ERVK3-1: variants seen among roughly 807,000 people sequenced by gnomAD.
The protein encoded by ERVK3-1 is HERV-K(HML6-1).
intron 2 of ERVK3-1, chr19:58,311,962 CAA>C: frequency 2.6e-6 from 1 of 379,252 alleles, no homozygotes; most frequent in Non-Finnish European, 4.7e-6. Flanking sequence ...CCACTTCAAA[CAA>C]AATTACATTT....
rs2051549676 is a variant in ERVK3-1 at position 58,310,456 on chromosome 19, TAA to T, written c.-3-1708_-3-1707del. 6.3e-6 allele frequency: 1 copy of T among 158,282 alleles called. No individual in the cohort carries two copies. The highest frequency in any genetic ancestry group is 6.5e-5 in the Admixed American group (1 of 15,356). 9.8% of individuals were successfully genotyped at this position (158,282 alleles called of 1,614,324 possible). A position where few individuals can be genotyped will look rare whatever the true frequency, so the allele number is the denominator to read the frequency against. ...TGGATACAAAGCAAAAGGGGCAGGGTAAAGAGTGTGAGTCATCTCCAATGATA... is the reference window on the plus strand; with the variant it reads ...TGGATACAAAGCAAAAGGGGCAGGGTAGAGTGTGAGTCATCTCCAATGATA... On this transcript the variant is annotated intron_variant, in intron 2 of 3. Transcript: ENST00000413518. This position sits in a 1 kb window ranked among gnomAD's most constrained non-coding sequence, Gnocchi z 4.7.
chr19:58,315,991 GCCC>G (rs2051590281), downstream of ERVK3-1, among the ~76,000 whole-genome samples: 1 of 152,170 alleles, frequency 6.6e-6, no homozygotes, highest in African/African-American at 2.4e-5. Flanking sequence ...GACCTCGGGT[GCCC>G]CCTACCCTGT....
rs113347450 is a variant in ERVK3-1, at chr19:58,314,583, C to T, written c.295-165C>T. On this transcript the variant is annotated intron_variant, in intron 3 of 3. Transcript: ENST00000413518. Reference sequence around the variant, plus strand: ...CAGAGCTTGCAGTGAGCCAAGATGGCGCCACTGCACTCCAGCCTGGGTGAC... The same window carrying T: ...CAGAGCTTGCAGTGAGCCAAGATGGTGCCACTGCACTCCAGCCTGGGTGAC... Among the ~76,000 whole-genome samples the T allele has an allele frequency of 4.4e-5, 6 of 137,678 alleles. No individual in the cohort carries two copies. In the South Asian group the frequency reaches 9.5e-4, roughly 22 times the overall value. 90.3% of individuals were successfully genotyped at this position (137,678 alleles called of 152,430 possible). A position where few individuals can be genotyped will look rare whatever the true frequency, so the allele number is the denominator to read the frequency against.
exon 4 of ERVK3-1, chr19:58,315,001 G>A (rs571715615): frequency 2.6e-5 from 10 of 381,940 alleles, no homozygotes; most frequent in Non-Finnish European, 4.6e-5. Flanking sequence ...CCCAGGTCCC[G>A]TGCTCCTTGA....
chr19:58,313,355 C>T lies in ERVK3-1; in HGVS notation c.294+893C>T, dbSNP rs6510136. The stretch of plus-strand genomic sequence containing the variant: ...AGGCTGGAGTGCAGTGGCGCAATCT[C>T]GGGTCACTGCAACCTTTGCCTCCCG... On this transcript the variant is annotated intron_variant, in intron 3 of 3. Transcript: ENST00000413518. This position sits in a 1 kb window ranked among gnomAD's most constrained non-coding sequence, Gnocchi z 4.5. Among the ~76,000 whole-genome samples the T allele has an allele frequency of 0.14, 20,538 of 152,092 alleles. 2,291 individuals are homozygous for T. The highest frequency in any genetic ancestry group is 0.3 in the African/African-American group (12,237 of 41,440).
rs959965293 is a variant in ERVK3-1 at position 58,313,656 on chromosome 19, C to T, written c.295-1092C>T. 6.6e-6 allele frequency among the ~76,000 whole-genome samples: 1 copy of T among 152,184 alleles called. No individual in the cohort carries two copies. The highest frequency in any genetic ancestry group is 2.4e-5 in the African/African-American group (1 of 41,436). ...AAGGACCAACTCCACGTAAACATCA[C>T]CCAGTTGACTTGTGACTCTTGTCAA... On this transcript the variant is annotated intron_variant, in intron 3 of 3. Transcript: ENST00000413518. This position sits in a 1 kb window ranked among gnomAD's most constrained non-coding sequence, Gnocchi z 4.5.
At chr19:58,307,009 GA>G (rs1039948245) in intron 2 of ERVK3-1, among the ~76,000 whole-genome samples, 13 of 152,224 alleles carry the variant, frequency 8.5e-5, no homozygotes, top group African/African-American at 2.9e-4. Context: ...AAATTGGCAA[GA>G]AATGTGTGCA....
downstream of ERVK3-1, among the ~76,000 whole-genome samples, chr19:58,316,528 G>T (rs2051593766): frequency 6.6e-6 from 1 of 152,170 alleles, no homozygotes; most frequent in South Asian, 2.1e-4. Context: ...AAAATTAGCT[G>T]GGCGTGGTGA....
Position 58,312,568 on chromosome 19 carries a change from G to C in ERVK3-1, c.294+106G>C, listed in dbSNP as rs115711577. The C allele has an allele frequency of 0.011, 4,326 of 398,674 alleles. 140 individuals carry two copies. The highest frequency in any genetic ancestry group is 0.073 in the African/African-American group (3,564 of 48,662). 24.7% of individuals were successfully genotyped at this position (398,674 alleles called of 1,614,324 possible). A position where few individuals can be genotyped will look rare whatever the true frequency, so the allele number is the denominator to read the frequency against. ...CGACACTCCTCCTGAGATATATTATGATCAGGGAGCGTGGGCACCAGGACC... is the reference window on the plus strand; with the variant it reads ...CGACACTCCTCCTGAGATATATTATCATCAGGGAGCGTGGGCACCAGGACC... On this transcript the variant is annotated intron_variant, in intron 3 of 3. Coordinates refer to ENST00000413518, the Ensembl canonical transcript of ERVK3-1. This position sits in a 1 kb window ranked among gnomAD's most constrained non-coding sequence, Gnocchi z 4.7.
chr19:58,305,783 T>A (rs2051518423), intron 1 of ERVK3-1, among the ~76,000 whole-genome samples: 1 of 152,174 alleles, frequency 6.6e-6, no homozygotes, highest in African/African-American at 2.4e-5. Flanking sequence ...ACTGACAAAC[T>A]GCGTCTGCCG....
At chr19:58,308,544 C>T (rs751862131) in intron 2 of ERVK3-1, among the ~76,000 whole-genome samples, 4 of 152,098 alleles carry the variant, frequency 2.6e-5, no homozygotes, top group Non-Finnish European at 5.9e-5. Context: ...GGTTGATAAT[C>T]CAGGATTTAA....
chr19:58,314,070 T>C (rs2051574102), intron 3 of ERVK3-1, among the ~76,000 whole-genome samples: 1 of 152,188 alleles, frequency 6.6e-6, no homozygotes, highest in Non-Finnish European at 1.5e-5. Context: ...GTTCTGTGGC[T>C]GGGAAAGCAG....
rs1175431976 is a variant in ERVK3-1, at chr19:58,313,941, GTT to G, written c.295-806_295-805del. ...GTAGTGTCCTCAGTAGCACTACATA[GTT>G]CTATTCAAACAGCCCAATATGTAGA... On this transcript the variant is annotated intron_variant, in intron 3 of 3. Coordinates refer to ENST00000413518, the Ensembl canonical transcript of ERVK3-1. This position sits in a 1 kb window ranked among gnomAD's most constrained non-coding sequence, Gnocchi z 4.5. 6.6e-6 allele frequency among the ~76,000 whole-genome samples: 1 copy of G among 152,142 alleles called. No individual in the cohort carries two copies. The highest frequency in any genetic ancestry group is 1.5e-5 in the Non-Finnish European group (1 of 68,032).
rs539915714 is a variant in ERVK3-1, at chr19:58,310,725, G to A, written c.-3-1441G>A. 21 of 212,546 alleles carry A rather than the reference G, an allele frequency of 9.9e-5. No homozygotes were observed. The highest frequency in any genetic ancestry group is 8.3e-4 in the South Asian group (16 of 19,170). The allele number at this position is 212,546 out of a possible 1,614,324, so 13.2% of individuals were successfully genotyped here. A position where few individuals can be genotyped will look rare whatever the true frequency, so the allele number is the denominator to read the frequency against. On this transcript the variant is annotated intron_variant, in intron 2 of 3. Transcript: ENST00000413518. This position sits in a 1 kb window ranked among gnomAD's most constrained non-coding sequence, Gnocchi z 4.7. ...CTGAAGCACAGAATCACAGGGAGAC[G>A]GTTAGGCCTCCGGATAACTGTGGGC... is the stretch of plus-strand genomic sequence containing the variant.
chr19:58,314,626 CAAAAAA>C (rs58275693), intron 3 of ERVK3-1, 116 bp from the exon 4 acceptor site: 211 of 58,924 alleles, frequency 3.6e-3, no homozygotes, highest in Middle Eastern at 0.011. Flanking sequence ...GACTCCATCT[CAAAAAA>C]AAAAAAAAAA....
At chr19:58,307,649 G>C (rs568206800) in intron 2 of ERVK3-1, among the ~76,000 whole-genome samples, 24 of 95,566 alleles carry the variant, frequency 2.5e-4, no homozygotes, top group Non-Finnish European at 4.0e-4. Context: ...CACACACACA[G>C]AAAAAAAAAC....
chr19:58,307,416 G>A (rs2051530643), intron 2 of ERVK3-1, among the ~76,000 whole-genome samples: 2 of 152,210 alleles, frequency 1.3e-5, no homozygotes, highest in Non-Finnish European at 2.9e-5. Context: ...AGCCTGTCAG[G>A]ATGTGGGAAC....
intron 1 of ERVK3-1, among the ~76,000 whole-genome samples, chr19:58,305,811 G>A (rs1330319519): frequency 6.6e-6 from 1 of 152,194 alleles, no homozygotes; most frequent in Non-Finnish European, 1.5e-5. Flanking sequence ...GAATGCTGGG[G>A]GCAGTCATGT....
chr19:58,312,603 G>A lies in ERVK3-1; in HGVS notation c.294+141G>A, dbSNP rs1035392780. 31 of 398,022 alleles carry A rather than the reference G, an allele frequency of 7.8e-5. No homozygotes were observed. Among genetic ancestry groups the A allele is most frequent in the African/African-American group, 1.6e-4 (8 of 48,576 alleles). 24.7% of individuals were successfully genotyped at this position (398,022 alleles called of 1,614,324 possible). On this transcript the variant is annotated intron_variant, in intron 3 of 3. Coordinates refer to ENST00000413518, the Ensembl canonical transcript of ERVK3-1. The surrounding 1 kb of genome is among the most constrained non-coding windows in gnomAD (Gnocchi z 4.7). ...CGTGGGCACCAGGACCCCTAACTCC[G>A]TCTGACACAGAGCAATAGCATCAAT... is the stretch of plus-strand genomic sequence containing the variant.
Sources: gnomAD v4.1 joint callset for allele counts (sites outside exome capture counted in the v4.1 genomes callset) on GRCh38, gnomAD v4.1.1 for gene constraint, Gnocchi (gnomAD v3.1) non-coding constraint, MANE v1.5 for transcripts, NCBI Gene and HGNC (gene_info 2026-07-23, HGNC 2026-07-21) for gene names.